The following PRDM6 variants were observed in gnomAD, a reference collection of about 807,000 sequenced individuals.
PRDM6 encodes the protein putative histone-lysine N-methyltransferase PRDM6.
PRDM6 carries 25 observed loss-of-function variants against 60.8 expected under a neutral mutation model. The observed-to-expected ratio is 0.41, with a 90% CI of 0.30 to 0.57. The LOEUF is 0.57. PRDM6 is among the 20% of genes least tolerant of loss of function. The pLI, the probability that PRDM6 is intolerant of heterozygous loss-of-function variation, is 0.27. For synonymous variants in PRDM6, 407 were observed against 357.4 expected (o/e 1.14, Z -1.57); for missense variants, 839 against 821.3 (o/e 1.02, Z -0.26).
At chr5:123,120,012 C>A (rs1471587639) in intron 3 of PRDM6, among the ~76,000 whole-genome samples, 2 of 151,516 alleles carry the variant, frequency 1.3e-5, no homozygotes, top group Non-Finnish European at 2.9e-5. Flanking sequence ...AGGTTTTTCC[C>A]TCGTCCTCTC....
intron 6 of PRDM6, among the ~76,000 whole-genome samples, chr5:123,178,169 T>A (rs1766060201): frequency 6.6e-6 from 1 of 151,958 alleles, no homozygotes; most frequent in Non-Finnish European, 1.5e-5. Flanking sequence ...CTGTGAGAAA[T>A]AAATCACCCC....
intron 5 of PRDM6, among the ~76,000 whole-genome samples, chr5:123,164,498 C>T (rs1352319596): frequency 6.6e-6 from 1 of 152,120 alleles, no homozygotes; most frequent in African/African-American, 2.4e-5. Flanking sequence ...TACTACTTGC[C>T]AGCTATGGAA....
intron 2 of PRDM6, among the ~76,000 whole-genome samples, chr5:123,092,277 A>G (rs545090543): frequency 2.0e-5 from 3 of 152,330 alleles, no homozygotes; most frequent in East Asian, 3.8e-4. Flanking sequence ...AAGATTTTTA[A>G]ACTGCCTTGG....
chr5:123,149,795 A>T (rs1765332149), intron 3 of PRDM6, among the ~76,000 whole-genome samples: 1 of 152,220 alleles, frequency 6.6e-6, no homozygotes, highest in African/African-American at 2.4e-5. Flanking sequence ...TTACTCCTGT[A>T]TTCCCTTGAT....
chr5:123,151,944 C>G (rs1765378187), intron 3 of PRDM6, among the ~76,000 whole-genome samples: 1 of 151,936 alleles, frequency 6.6e-6, no homozygotes, highest in African/African-American at 2.4e-5. Flanking sequence ...AAAGGGGATC[C>G]TTCACTTAAA....
intron 6 of PRDM6, among the ~76,000 whole-genome samples, chr5:123,178,081 G>C (rs956794905): frequency 1.3e-5 from 2 of 152,132 alleles, no homozygotes; most frequent in Non-Finnish European, 2.9e-5. Flanking sequence ...AAGCCTCTCT[G>C]TGGTCATTTC....
At chr5:123,134,316 T>C (rs1055022579) in intron 3 of PRDM6, among the ~76,000 whole-genome samples, 1 of 152,144 alleles carries the variant, frequency 6.6e-6, no homozygotes, top group Admixed American at 6.6e-5. Context: ...GAAAAGAATG[T>C]GAATGCATTA....
chr5:123,137,832 T>C (rs1330498347), intron 3 of PRDM6, among the ~76,000 whole-genome samples: 1 of 152,128 alleles, frequency 6.6e-6, no homozygotes, highest in African/African-American at 2.4e-5. Context: ...AGAAAAGTGT[T>C]CTTAATATAC....
chr5:123,175,712 C>T (rs946756542), intron 6 of PRDM6, among the ~76,000 whole-genome samples: 2 of 152,130 alleles, frequency 1.3e-5, no homozygotes, highest in Non-Finnish European at 2.9e-5. Context: ...GAGATTGTGG[C>T]CCCAACTGAA....
At chr5:123,142,379 T>C (rs1283394174) in intron 3 of PRDM6, among the ~76,000 whole-genome samples, 1 of 152,096 alleles carries the variant, frequency 6.6e-6, no homozygotes, top group African/African-American at 2.4e-5. Context: ...GAGTAAGAAG[T>C]AGAACATAGG....
At chr5:123,095,297 A>T (rs1763931342) in intron 2 of PRDM6, among the ~76,000 whole-genome samples, 1 of 152,146 alleles carries the variant, frequency 6.6e-6, no homozygotes, top group African/African-American at 2.4e-5. Flanking sequence ...GCGGGGTGGG[A>T]CCTTCAAAAC....
At position 123,193,257 on chromosome 5, in the gene PRDM6, A is replaced by C. The variant is rs941803112; in HGVS notation, c.*6056A>C. On this transcript the variant is annotated 3_prime_UTR_variant, in exon 8 of 8. Coordinates refer to ENST00000407847, the MANE Select transcript of PRDM6 (RefSeq NM_001136239.4). ...TGGTGCCTTTCTCCCACTTTGGTAC[A>C]TCACTCCCAACTGAAAACAGTCTAG... 9 of 152,228 alleles carry C rather than the reference A, an allele frequency of 5.9e-5. No homozygotes were observed. Among genetic ancestry groups the C allele is most frequent in the African/African-American group, 2.2e-4 (9 of 41,460 alleles). 9.4% of individuals were successfully genotyped at this position (152,228 alleles called of 1,614,324 possible).
At chr5:123,149,716 T>C (rs1337530955) in intron 3 of PRDM6, among the ~76,000 whole-genome samples, 1 of 152,234 alleles carries the variant, frequency 6.6e-6, no homozygotes, top group African/African-American at 2.4e-5. Context: ...TATTTTGACA[T>C]AGTTTGCTTT....
At chr5:123,159,867 G>T (rs1765588673) in intron 5 of PRDM6, among the ~76,000 whole-genome samples, 1 of 152,136 alleles carries the variant, frequency 6.6e-6, no homozygotes, top group South Asian at 2.1e-4. Flanking sequence ...CAAAGCCTTT[G>T]CCAGAATTTT....
At chr5:123,130,819 G>A (rs561428860) in intron 3 of PRDM6, among the ~76,000 whole-genome samples, 19 of 152,192 alleles carry the variant, frequency 1.2e-4, no homozygotes, top group African/African-American at 4.1e-4. Context: ...CGCCTGCCTC[G>A]GCCTCCCAAA....
Position 123,176,270 on chromosome 5 carries a change from TA to T in PRDM6, c.1497-3864del, listed in dbSNP as rs780046640. Among the ~76,000 whole-genome samples, 240 of 121,264 alleles carry T rather than the reference TA, an allele frequency of 2.0e-3. 1 individual carries two copies. The highest frequency in any genetic ancestry group is 4.5e-3 in the African/African-American group (144 of 32,010). The allele number at this position is 121,264 out of a possible 152,430, so 79.6% of individuals were successfully genotyped here. A position where few individuals can be genotyped will look rare whatever the true frequency, so the allele number is the denominator to read the frequency against. Reference sequence around the variant, plus strand: ...CAACACTACTAAAGATCTCAAATGGTAAAAAAAAAAAAACAAAAAAAAAACC... The same window carrying T: ...CAACACTACTAAAGATCTCAAATGGTAAAAAAAAAAAACAAAAAAAAAACC... On this transcript the variant is annotated intron_variant, in intron 6 of 7. Transcript: ENST00000407847.
At chr5:123,133,664 G>A (rs1376944550) in intron 3 of PRDM6, among the ~76,000 whole-genome samples, 1 of 151,994 alleles carries the variant, frequency 6.6e-6, no homozygotes, top group Non-Finnish European at 1.5e-5. Flanking sequence ...AGGGTGATGT[G>A]AACTGTTATG....
At chr5:123,114,518 A>G (rs1764389851) in intron 3 of PRDM6, among the ~76,000 whole-genome samples, 1 of 152,176 alleles carries the variant, frequency 6.6e-6, no homozygotes, top group South Asian at 2.1e-4. Context: ...CTCTCCCGAT[A>G]TTACTTGTAG....
Position 123,192,329 on chromosome 5 carries a change from T to G in PRDM6, c.*5128T>G, listed in dbSNP as rs116775785. 6.6e-6 allele frequency: 1 copy of G among 152,188 alleles called. No individual in the cohort carries two copies. Among genetic ancestry groups the G allele is most frequent in the Non-Finnish European group, 1.5e-5 (1 of 68,038 alleles). 9.4% of individuals were successfully genotyped at this position (152,188 alleles called of 1,614,324 possible). On this transcript the variant is annotated 3_prime_UTR_variant, in exon 8 of 8. Transcript: ENST00000407847. ...TTTGTAGCTTCTTTAGTTTTTTTCC[T>G]CCTTCAAAGCCATAAACAGGCAATT...
Sources: allele counts gnomAD v4.1 joint callset (sites outside exome capture counted in the v4.1 genomes callset), GRCh38; gene constraint gnomAD v4.1.1; transcripts MANE v1.5; gene names NCBI Gene and HGNC (gene_info 2026-07-23, HGNC 2026-07-21).